The following ZNF704 variants were observed in gnomAD, a reference collection of about 807,000 sequenced individuals.
The protein encoded by ZNF704 is glucocorticoid induced gene 1.
A neutral mutation model predicts 44.7 loss-of-function variants in ZNF704; 10 were observed. The observed-to-expected ratio is 0.22, with a 90% CI of 0.14 to 0.38. The LOEUF (loss-of-function observed/expected upper bound fraction) is 0.38, where lower values mean the gene tolerates loss of function less well. Ranked by LOEUF, ZNF704 falls within the 10% of genes least tolerant of loss-of-function variation. ZNF704 has a pLI of 1.00. For synonymous variants in ZNF704, 211 were observed against 207.6 expected (o/e 1.02, Z -0.14); for missense variants, 390 against 545.5 (o/e 0.71, Z 2.84).
At chr8:80,824,217 T>C (rs1048487531) in intron 1 of ZNF704, among the ~76,000 whole-genome samples, 4 of 152,040 alleles carry the variant, frequency 2.6e-5, no homozygotes, top group Non-Finnish European at 5.9e-5. Context: ...ATAAACAGTG[T>C]AAAGAAGACC....
intron 2 of ZNF704, among the ~76,000 whole-genome samples, chr8:80,698,800 T>TG (rs1281898875): frequency 6.6e-6 from 1 of 152,218 alleles, no homozygotes; most frequent in Non-Finnish European, 1.5e-5. Flanking sequence ...GTGGCTGGTC[T>TG]GCCCTTGAGC....
chr8:80,802,196 A>AG (rs1160783384), intron 2 of ZNF704, among the ~76,000 whole-genome samples: 1 of 146,804 alleles, frequency 6.8e-6, no homozygotes, highest in Non-Finnish European at 1.5e-5. Context: ...CTACCAACCA[A>AG]AAAAAAAAAA....
Position 80,633,625 on chromosome 8 carries a change from C to G in ZNF704, c.*7741G>C, listed in dbSNP as rs977752470. 5 of 152,184 alleles carry G rather than the reference C, an allele frequency of 3.3e-5. No homozygotes were observed. The highest frequency in any genetic ancestry group is 1.2e-4 in the African/African-American group (5 of 41,434). 9.4% of individuals were successfully genotyped at this position (152,184 alleles called of 1,614,324 possible). A position where few individuals can be genotyped will look rare whatever the true frequency, so the allele number is the denominator to read the frequency against. ...CTCTTCCTTGCAAGCAATACTGAGG[C>G]TGACTCAGGTTCAAGACTACTCTGG... On this transcript the variant is annotated 3_prime_UTR_variant, in exon 9 of 9. Coordinates refer to ENST00000327835, the MANE Select transcript of ZNF704 (RefSeq NM_001033723.3).
chr8:80,838,173 G>A (rs1187051247), intron 1 of ZNF704, among the ~76,000 whole-genome samples: 2 of 152,146 alleles, frequency 1.3e-5, no homozygotes, highest in South Asian at 4.1e-4. Flanking sequence ...GCAGTATGCC[G>A]GAGCTCATCT....
intron 2 of ZNF704, among the ~76,000 whole-genome samples, chr8:80,726,719 G>GT (rs1806486823): frequency 6.6e-6 from 1 of 151,818 alleles, no homozygotes; most frequent in Non-Finnish European, 1.5e-5. Context: ...AAAAATTTCC[G>GT]TAACAACAGG....
intron 7 of ZNF704, 103 bp downstream of exon 7, chr8:80,659,482 T>G: frequency 1.1e-6 from 1 of 889,470 alleles, no homozygotes; most frequent in Non-Finnish European, 1.9e-6. Flanking sequence ...ACTTCTGGCA[T>G]TCTGATGTTT....
intron 2 of ZNF704, among the ~76,000 whole-genome samples, chr8:80,777,219 T>C (rs1807428923): frequency 6.6e-6 from 1 of 152,182 alleles, no homozygotes. Flanking sequence ...GCCAGGTCCT[T>C]TGGCTGCTTA....
intron 5 of ZNF704, among the ~76,000 whole-genome samples, chr8:80,668,714 A>G (rs1276350959): frequency 6.6e-6 from 1 of 152,208 alleles, no homozygotes; most frequent in African/African-American, 2.4e-5. Flanking sequence ...TGTACTGCAG[A>G]CACATCAGAG....
chr8:80,674,011 G>C (rs1319302465), intron 4 of ZNF704, among the ~76,000 whole-genome samples: 3 of 152,254 alleles, frequency 2.0e-5, no homozygotes, highest in African/African-American at 7.2e-5. Flanking sequence ...GCAGTGTGCA[G>C]TGCTGGGCGT....
rs932390121 is a variant in ZNF704, at chr8:80,638,935, A to T, written c.*2431T>A. 6 of 152,326 alleles carry T rather than the reference A, an allele frequency of 3.9e-5. No individual in the cohort carries two copies. The highest frequency in any genetic ancestry group is 1.4e-4 in the African/African-American group (6 of 41,450). The allele number at this position is 152,326 out of a possible 1,614,324, so 9.4% of individuals were successfully genotyped here. On this transcript the variant is annotated 3_prime_UTR_variant, in exon 9 of 9. Coordinates refer to ENST00000327835, the MANE Select transcript of ZNF704 (RefSeq NM_001033723.3). ...CATTCAGCTCTGTAGTTCTGCTTAT[A>T]CCTGTGCACTGGCTGAACACCAGAT... is the stretch of plus-strand genomic sequence containing the variant.
rs1175593438 is a variant in ZNF704, at chr8:80,636,961, G to A, written c.*4405C>T. ...ATAGCTAATAAACAGTCATCCATTG[G>A]GTAATGATAAAAAGGACCAGCAAGG... On this transcript the variant is annotated 3_prime_UTR_variant, in exon 9 of 9. Coordinates refer to ENST00000327835, the MANE Select transcript of ZNF704 (RefSeq NM_001033723.3). The A allele has an allele frequency of 6.6e-6, 1 of 152,138 alleles. No individual in the cohort carries two copies. Among genetic ancestry groups the A allele is most frequent in the Non-Finnish European group, 1.5e-5 (1 of 68,026 alleles). 9.4% of individuals were successfully genotyped at this position (152,138 alleles called of 1,614,324 possible). A position where few individuals can be genotyped will look rare whatever the true frequency, so the allele number is the denominator to read the frequency against.
intron 2 of ZNF704, among the ~76,000 whole-genome samples, chr8:80,706,389 C>A (rs1214410331): frequency 2.6e-5 from 4 of 151,962 alleles, no homozygotes; most frequent in Admixed American, 1.3e-4. Flanking sequence ...TTAAAAAGAC[C>A]AGACTTCTTA....
chr8:80,881,351 C>G, the ZNF704 span, among the ~76,000 whole-genome samples: 1 of 152,174 alleles, frequency 6.6e-6, no homozygotes, highest in Non-Finnish European at 1.5e-5. Flanking sequence ...TGAGGGAAGT[C>G]ACTGTGTGCT....
At chr8:80,880,468 C>A in the ZNF704 span, among the ~76,000 whole-genome samples, 1 of 152,202 alleles carries the variant, frequency 6.6e-6, no homozygotes, top group East Asian at 1.9e-4. Flanking sequence ...CATCTAACCT[C>A]CCTACCCAAA....
chr8:80,692,856 C>T (rs1585957987), intron 3 of ZNF704, 148 bp downstream of exon 3: 3 of 678,422 alleles, frequency 4.4e-6, no homozygotes, highest in Non-Finnish European at 7.6e-6. Context: ...GCTCTGGGGG[C>T]CTCGACTTCT....
chr8:80,864,802 G>A (rs1261876927), intron 1 of ZNF704, among the ~76,000 whole-genome samples: 1 of 152,138 alleles, frequency 6.6e-6, no homozygotes, highest in Admixed American at 6.5e-5. Context: ...GAGGTAGAAG[G>A]TGACATCACT....
intron 1 of ZNF704, among the ~76,000 whole-genome samples, chr8:80,830,759 T>C (rs1190315662): frequency 6.3e-5 from 9 of 142,240 alleles, no homozygotes; most frequent in African/African-American, 2.4e-4. Flanking sequence ...CTTTCTTTTT[T>C]TTTTTTTTTT....
rs149357516 is a variant in ZNF704, at chr8:80,643,076, G to A, written c.1086C>T (p.His362=). The change falls in exon 8 of 9, where the codon CAC becomes CAT. Residue 362 remains histidine (H), a synonymous_variant. Transcript: ENST00000327835. ...VGTGEQRQHA[H]TVLSSPPRGT... ...CTCTGGGTGGGGAGGACAGGACCGT[G>A]TGCGCATGCTGTCTCTGCTCTCCTG... 2.4e-5 allele frequency: 38 copies of A among 1,605,606 alleles called. No individual in the cohort carries two copies. In the African/African-American group the frequency reaches 4.8e-4, roughly 20 times the overall value.
rs373057386 is a variant in ZNF704, at chr8:80,863,490, A to G, written c.-22+11081T>C. On this transcript the variant is annotated intron_variant, in intron 1 of 8. Coordinates refer to ENST00000327835, the MANE Select transcript of ZNF704 (RefSeq NM_001033723.3). The stretch of plus-strand genomic sequence containing the variant: ...CCAAATGTTTTCTGAAATGTTTGAC[A>G]AATATCTGTCATTTGGTATAAAATT... Among the ~76,000 whole-genome samples the G allele has an allele frequency of 6.6e-5, 10 of 152,344 alleles. No individual in the cohort carries two copies. In the East Asian group the frequency reaches 1.3e-3, roughly 21 times the overall value.
Sources: allele counts gnomAD v4.1 joint callset (sites outside exome capture counted in the v4.1 genomes callset), GRCh38; gene constraint gnomAD v4.1.1; transcripts MANE v1.5; gene names NCBI Gene and HGNC (gene_info 2026-07-23, HGNC 2026-07-21).